Variants in KIRREL3 observed in about 807,000 individuals in gnomAD.
KIRREL3 encodes kin of IRRE-like protein 3.
Under a neutral mutation model 89.7 loss-of-function variants are expected in KIRREL3, and 36 were observed. That is an observed-to-expected ratio of 0.40 (90% CI 0.31 to 0.53). KIRREL3 has a LOEUF of 0.53. KIRREL3 is among the 20% of genes least tolerant of loss of function. The probability of loss-of-function intolerance (pLI) is 0.49; values close to 1 mark genes in which losing one functional copy is unlikely to be tolerated. For missense variants in KIRREL3, 864 were observed against 1,056.6 expected, an observed-to-expected ratio of 0.82 and a Z score of 2.53; for synonymous variants, 445 against 441.4, an observed-to-expected ratio of 1.01 and a Z score of -0.10.
At chr11:126,757,980 G>T (rs183348606) in intron 1 of KIRREL3, among the ~76,000 whole-genome samples, 86 of 152,364 alleles carry the variant, frequency 5.6e-4, no homozygotes, top group African/African-American at 1.9e-3. Flanking sequence ...TGCAAGGGTG[G>T]TGGGGAAAAG....
At chr11:127,002,074 A>G (rs1950325115), upstream of KIRREL3, among the ~76,000 whole-genome samples, 1 of 152,170 alleles carries the variant, frequency 6.6e-6, no homozygotes, top group African/African-American at 2.4e-5. Flanking sequence ...GACTCTGCTC[A>G]CTACAAGGCA....
chr11:126,920,477 C>G (rs1290713483), intron 1 of KIRREL3: 2 of 152,206 alleles, frequency 1.3e-5, no homozygotes, highest in South Asian at 4.1e-4. Flanking sequence ...TTAAAGAAAT[C>G]TTCATGTGAA....
rs1938357263 is a variant in KIRREL3 at position 126,541,406 on chromosome 11, G to C, written c.134-14719C>G. ...CCAAAATCCTATTTCGGGGGTGGGG[G>C]GTGGTCCTAAGGTTGAAAATAATAA... is the stretch of plus-strand genomic sequence containing the variant. On this transcript the variant is annotated intron_variant, in intron 2 of 16. Coordinates refer to ENST00000525144, the MANE Select transcript of KIRREL3 (RefSeq NM_032531.4). This position sits in a 1 kb window ranked among gnomAD's most constrained non-coding sequence, Gnocchi z 4.8. Among the ~76,000 whole-genome samples the C allele has an allele frequency of 2.0e-5, 3 of 152,002 alleles. No individual in the cohort carries two copies. In the South Asian group the frequency reaches 6.2e-4, roughly 32 times the overall value.
At position 126,906,414 on chromosome 11, in the gene KIRREL3, C is replaced by A. The variant is rs12418633; in HGVS notation, c.55+94041G>T. 6.6e-6 allele frequency among the ~76,000 whole-genome samples: 1 copy of A among 152,030 alleles called. No homozygotes were observed. The highest frequency in any genetic ancestry group is 6.6e-5 in the Admixed American group (1 of 15,264). On this transcript the variant is annotated intron_variant, in intron 1 of 16. Coordinates refer to ENST00000525144, the MANE Select transcript of KIRREL3 (RefSeq NM_032531.4). The surrounding 1 kb of genome is among the most constrained non-coding windows in gnomAD (Gnocchi z 4.1). ...AAGAGGGAAACTGAGGCTTAAGGAA[C>A]GGAAGTATTAGCAGCAAGGTTACTC...
At position 126,575,055 on chromosome 11, in the gene KIRREL3, G is replaced by A. The variant is rs116438171; in HGVS notation, c.56-12143C>T. On this transcript the variant is annotated intron_variant, in intron 1 of 16. Coordinates refer to ENST00000525144, the MANE Select transcript of KIRREL3 (RefSeq NM_032531.4). This position sits in a 1 kb window ranked among gnomAD's most constrained non-coding sequence, Gnocchi z 7.0. ...CAGAGGGTGGTTATGGCAATGTGGA[G>A]GAGGCCGGTGGCCCAGGGCCTGAAC... 6.9e-3 allele frequency among the ~76,000 whole-genome samples: 1,050 copies of A among 152,244 alleles called. 13 individuals are homozygous for A. The highest frequency in any genetic ancestry group is 0.024 in the African/African-American group (998 of 41,518).
Position 126,772,895 on chromosome 11 carries a change from T to C in KIRREL3, c.56-209983A>G, listed in dbSNP as rs1292988350. Among the ~76,000 whole-genome samples the C allele has an allele frequency of 6.6e-6, 1 of 152,260 alleles. No homozygotes were observed. Among genetic ancestry groups the C allele is most frequent in the Non-Finnish European group, 1.5e-5 (1 of 68,020 alleles). On this transcript the variant is annotated intron_variant, in intron 1 of 16. Transcript: ENST00000525144. The surrounding 1 kb of genome is among the most constrained non-coding windows in gnomAD (Gnocchi z 4.6). The stretch of plus-strand genomic sequence containing the variant: ...GGCCAGAAACCTGCTTGGCCAACAA[T>C]CTCCCCAGTGATTCTTACGGACATC...
intron 7 of KIRREL3, among the ~76,000 whole-genome samples, chr11:126,451,622 G>T (rs1412677532): frequency 1.3e-5 from 2 of 151,368 alleles, no homozygotes; most frequent in African/African-American, 4.9e-5. Flanking sequence ...GTGTGCATGT[G>T]TGTCCATGTG....
Position 126,611,283 on chromosome 11 carries a change from C to G in KIRREL3, c.56-48371G>C, listed in dbSNP as rs1591815319. ...TTACTGTTGTTCCTACCACCGCACC[C>G]TCTCCCATTCCTTTCCTTCTCAATT... On this transcript the variant is annotated intron_variant, in intron 1 of 16. Transcript: ENST00000525144. This position sits in a 1 kb window ranked among gnomAD's most constrained non-coding sequence, Gnocchi z 4.7. Among the ~76,000 whole-genome samples the G allele has an allele frequency of 6.6e-6, 1 of 152,196 alleles. No homozygotes were observed. Among genetic ancestry groups the G allele is most frequent in the East Asian group, 1.9e-4 (1 of 5,188 alleles).
intron 16 of KIRREL3, 123 bp from the exon 17 acceptor site, chr11:126,425,146 C>T: frequency 2.2e-6 from 2 of 912,282 alleles, no homozygotes; most frequent in South Asian, 3.7e-5. Flanking sequence ...AGGAAGGGAG[C>T]AACCTGGTAG....
In KIRREL3 at chr11:126,724,870, G is replaced by T. The variant is rs1018184258; in HGVS notation, c.56-161958C>A. Among the ~76,000 whole-genome samples the T allele has an allele frequency of 2.6e-5, 4 of 152,180 alleles. No individual in the cohort carries two copies. Among genetic ancestry groups the T allele is most frequent in the African/African-American group, 9.7e-5 (4 of 41,448 alleles). On this transcript the variant is annotated intron_variant, in intron 1 of 16. Transcript: ENST00000525144. This position sits in a 1 kb window ranked among gnomAD's most constrained non-coding sequence, Gnocchi z 4.3. ...CTTTCCTGCATTCCTCTTTATCATA[G>T]ATCAACTTGTCAGTTAGTCATTCAC...
At position 126,940,495 on chromosome 11, in the gene KIRREL3, C is replaced by T. The variant is rs1466746711; in HGVS notation, c.55+59960G>A. On this transcript the variant is annotated intron_variant, in intron 1 of 16. Coordinates refer to ENST00000525144, the MANE Select transcript of KIRREL3 (RefSeq NM_032531.4). The surrounding 1 kb of genome is among the most constrained non-coding windows in gnomAD (Gnocchi z 4.6). Reference sequence around the variant, plus strand: ...ATTATGAATCCATTAGCTCAGCAGACCTTACAAACGGCCTTCACTACTCTG... The same window carrying T: ...ATTATGAATCCATTAGCTCAGCAGATCTTACAAACGGCCTTCACTACTCTG... 1.3e-5 allele frequency: 2 copies of T among 152,188 alleles called. No homozygotes were observed. Among genetic ancestry groups the T allele is most frequent in the African/African-American group, 2.4e-5 (1 of 41,438 alleles). The allele number at this position is 152,188 out of a possible 1,614,324, so 9.4% of individuals were successfully genotyped here. A position where few individuals can be genotyped will look rare whatever the true frequency, so the allele number is the denominator to read the frequency against.
At position 126,739,551 on chromosome 11, in the gene KIRREL3, C is replaced by A. The variant is rs755755319; in HGVS notation, c.56-176639G>T. On this transcript the variant is annotated intron_variant, in intron 1 of 16. Coordinates refer to ENST00000525144, the MANE Select transcript of KIRREL3 (RefSeq NM_032531.4). The surrounding 1 kb of genome is among the most constrained non-coding windows in gnomAD (Gnocchi z 5.5). Reference sequence around the variant, plus strand: ...ATGAGATCCAGGCAGCTGGTGCTGACAGTGGCCTGTTCATACTCTTCCTGA... The same window carrying A: ...ATGAGATCCAGGCAGCTGGTGCTGAAAGTGGCCTGTTCATACTCTTCCTGA... 6.6e-6 allele frequency among the ~76,000 whole-genome samples: 1 copy of A among 152,200 alleles called. No individual in the cohort carries two copies. Among genetic ancestry groups the A allele is most frequent in the Admixed American group, 6.5e-5 (1 of 15,282 alleles).
chr11:126,984,959 C>T (rs1210837349), intron 1 of KIRREL3, among the ~76,000 whole-genome samples: 1 of 152,190 alleles, frequency 6.6e-6, no homozygotes, highest in African/African-American at 2.4e-5. Context: ...AGAGAGGCCA[C>T]TTAAAATAAC....
intron 1 of KIRREL3, among the ~76,000 whole-genome samples, chr11:126,596,045 A>G (rs919032964): frequency 2.0e-5 from 3 of 152,220 alleles, no homozygotes; most frequent in Non-Finnish European, 4.4e-5. Context: ...CTAGGAAGGC[A>G]GGAAAGTCTC....
In KIRREL3 at chr11:126,553,679, G is replaced by T. The variant is rs1939465036; in HGVS notation, c.133+9156C>A. On this transcript the variant is annotated intron_variant, in intron 2 of 16. Coordinates refer to ENST00000525144, the MANE Select transcript of KIRREL3 (RefSeq NM_032531.4). This position sits in a 1 kb window ranked among gnomAD's most constrained non-coding sequence, Gnocchi z 4.7. ...CTTCTGATGGGAACTGACTTGTTCT[G>T]CTTTAATGCACCCCTCAAATTTCCA... Among the ~76,000 whole-genome samples, 1 of 152,128 alleles carries T rather than the reference G, an allele frequency of 6.6e-6. No homozygotes were observed. The highest frequency in any genetic ancestry group is 1.5e-5 in the Non-Finnish European group (1 of 68,024).
At position 126,551,334 on chromosome 11, in the gene KIRREL3, T is replaced by G. The variant is rs1591721810; in HGVS notation, c.133+11501A>C. Among the ~76,000 whole-genome samples the G allele has an allele frequency of 6.6e-6, 1 of 152,210 alleles. No homozygotes were observed. The highest frequency in any genetic ancestry group is 1.5e-5 in the Non-Finnish European group (1 of 68,018). ...GTGGTGAAAGGTTAGAGTCCTGCGA[T>G]GGGGCAGGGGAAAGGAGGGCCGGAG... On this transcript the variant is annotated intron_variant, in intron 2 of 16. Transcript: ENST00000525144. This position sits in a 1 kb window ranked among gnomAD's most constrained non-coding sequence, Gnocchi z 4.9.
intron 1 of KIRREL3, among the ~76,000 whole-genome samples, chr11:126,984,868 G>A (rs1949818372): frequency 1.3e-5 from 2 of 152,182 alleles, no homozygotes; most frequent in African/African-American, 4.8e-5. Context: ...ACCTGGAGGA[G>A]GGAAATGGAA....
chr11:126,779,143 T>C (rs972423432), intron 1 of KIRREL3, among the ~76,000 whole-genome samples: 2 of 152,208 alleles, frequency 1.3e-5, no homozygotes, highest in African/African-American at 4.8e-5. Flanking sequence ...AGATGGAGCA[T>C]GTTGCTCCCT....
intron 1 of KIRREL3, among the ~76,000 whole-genome samples, chr11:126,778,000 C>T (rs994473510): frequency 1.3e-5 from 2 of 151,746 alleles, no homozygotes; most frequent in Admixed American, 1.3e-4. Context: ...GACGGCTTCC[C>T]CCTACTCTCT....
Sources: gnomAD v4.1 joint callset for allele counts (sites outside exome capture counted in the v4.1 genomes callset) on GRCh38, gnomAD v4.1.1 for gene constraint, Gnocchi (gnomAD v3.1) non-coding constraint, MANE v1.5 for transcripts, NCBI Gene and HGNC (gene_info 2026-07-23, HGNC 2026-07-21) for gene names.